Variants in FAM228B observed in about 807,000 individuals in gnomAD.
FAM228B encodes the protein family with sequence similarity 228 member B.
Under a neutral mutation model 42.6 loss-of-function variants are expected in FAM228B, and 38 were observed. That is an observed-to-expected ratio of 0.89 (90% CI 0.69 to 1.17). FAM228B has a LOEUF of 1.17. FAM228B is among the 50% of genes most tolerant of loss of function. FAM228B has a pLI of 0.00. For missense variants in FAM228B, 344 were observed against 367.3 expected (o/e 0.94, Z 0.52); for synonymous variants, 109 against 122.3 (o/e 0.89, Z 0.72).
intron 3 of FAM228B, among the ~76,000 whole-genome samples, chr2:24,111,325 C>T (rs1388357974): frequency 6.6e-6 from 1 of 152,176 alleles, no homozygotes; most frequent in Non-Finnish European, 1.5e-5. Flanking sequence ...CTCCCGAGTG[C>T]TGGGATTATA....
At chr2:24,116,784 G>A (rs911857785) in intron 3 of FAM228B, among the ~76,000 whole-genome samples, 2 of 151,604 alleles carry the variant, frequency 1.3e-5, no homozygotes, top group Admixed American at 1.3e-4. Flanking sequence ...AACCTGGGAG[G>A]CTGAATCTTG....
intron 3 of FAM228B, among the ~76,000 whole-genome samples, chr2:24,103,987 G>A (rs1365563251): frequency 2.6e-4 from 39 of 152,198 alleles, no homozygotes; most frequent in Non-Finnish European, 1.0e-4. Flanking sequence ...ACTAGAGGCA[G>A]CTCATGTGTG....
At chr2:24,121,807 C>A (rs1573754185), upstream of FAM228B, among the ~76,000 whole-genome samples, 2 of 152,118 alleles carry the variant, frequency 1.3e-5, no homozygotes, top group Non-Finnish European at 2.9e-5. Flanking sequence ...GCTTCCTCTC[C>A]CCCACTGTGA....
In FAM228B at chr2:24,169,362, G is replaced by A. The variant is rs568476109; in HGVS notation, c.*21G>A. 6.3e-4 allele frequency: 295 copies of A among 467,614 alleles called. 4 individuals carry two copies. Among genetic ancestry groups the A allele is most frequent in the South Asian group, 4.3e-3 (275 of 64,256 alleles). 29.0% of individuals were successfully genotyped at this position (467,614 alleles called of 1,614,324 possible). Reference sequence around the variant, plus strand: ...CTTTTGTCACCTTCAAAAGGTTTCAGCAACCAAGGAGCACACACCCTGATC... The same window carrying A: ...CTTTTGTCACCTTCAAAAGGTTTCAACAACCAAGGAGCACACACCCTGATC... On this transcript the variant is annotated 3_prime_UTR_variant, in exon 11 of 11. Coordinates refer to ENST00000615575, the MANE Select transcript of FAM228B (RefSeq NM_001145710.2). This position sits in a 1 kb window ranked among gnomAD's most constrained non-coding sequence, Gnocchi z 4.2.
At chr2:24,165,692 A>G (rs1221937741) in intron 9 of FAM228B, among the ~76,000 whole-genome samples, 1 of 152,120 alleles carries the variant, frequency 6.6e-6, no homozygotes, top group Non-Finnish European at 1.5e-5. Flanking sequence ...CTCTCCCAGC[A>G]TGTGCAATAA....
In FAM228B at chr2:24,084,457, T is replaced by C; in HGVS notation, c.-210+3502T>C. 8.3e-7 allele frequency: 1 copy of C among 1,206,726 alleles called. No individual in the cohort carries two copies. Among genetic ancestry groups the C allele is most frequent in the Non-Finnish European group, 1.1e-6 (1 of 916,984 alleles). The allele number at this position is 1,206,726 out of a possible 1,614,324, so 74.8% of individuals were successfully genotyped here. On this transcript the variant is annotated intron_variant, in intron 2 of 10. Transcript: ENST00000613899. The surrounding 1 kb of genome is among the most constrained non-coding windows in gnomAD (Gnocchi z 8.4). ...CTCGCGGAGCAGCCCAGCCTCAGGC[T>C]GGCACCGCAGCGCCCCCTGCCGGCC...
intron 3 of FAM228B, among the ~76,000 whole-genome samples, chr2:24,109,693 C>T (rs1233618587): frequency 6.6e-6 from 1 of 152,190 alleles, no homozygotes; most frequent in Non-Finnish European, 1.5e-5. Context: ...AAATGCTCAA[C>T]ATCACTAACC....
chr2:24,153,297 T>C (rs1667062467), intron 7 of FAM228B, among the ~76,000 whole-genome samples: 1 of 152,186 alleles, frequency 6.6e-6, no homozygotes, highest in South Asian at 2.1e-4. Context: ...CTAGGAATGT[T>C]CTGGGTCACT....
chr2:24,145,635 A>G (rs1451951706), intron 5 of FAM228B, among the ~76,000 whole-genome samples: 2 of 152,198 alleles, frequency 1.3e-5, no homozygotes, highest in Non-Finnish European at 2.9e-5. Context: ...GTCATTTAAA[A>G]TTTGATCTGC....
At chr2:24,166,050 A>ATATAT (rs1553334331) in intron 9 of FAM228B, 2 of 11,668 alleles carry the variant, frequency 1.7e-4, no homozygotes, top group Non-Finnish European at 5.4e-4. Flanking sequence ...CTAAAAAAAA[A>ATATAT]AAAAATATAT....
chr2:24,146,228 C>T (rs1258035197), intron 5 of FAM228B, among the ~76,000 whole-genome samples: 1 of 152,118 alleles, frequency 6.6e-6, no homozygotes, highest in Non-Finnish European at 1.5e-5. Context: ...GTGAATGTTG[C>T]TGTTCATGAA....
In FAM228B at chr2:24,148,902, C is replaced by T. The variant is rs140729488; in HGVS notation, c.686+1816C>T. Among the ~76,000 whole-genome samples the T allele has an allele frequency of 7.0e-3, 1,065 of 152,246 alleles. 8 individuals carry two copies. Among genetic ancestry groups the T allele is most frequent in the African/African-American group, 0.025 (1,027 of 41,522 alleles). On this transcript the variant is annotated intron_variant, in intron 7 of 10. Transcript: ENST00000615575. ...AATACACTTCCCAGCCTCTGGTAACCATCCTTCCGCTCTGCATCTCCATGA... is the reference window on the plus strand; with the variant it reads ...AATACACTTCCCAGCCTCTGGTAACTATCCTTCCGCTCTGCATCTCCATGA...
intron 5 of FAM228B, among the ~76,000 whole-genome samples, chr2:24,145,390 T>C (rs922067488): frequency 6.6e-6 from 1 of 152,140 alleles, no homozygotes; most frequent in Non-Finnish European, 1.5e-5. Flanking sequence ...TGAAGAAATA[T>C]GGAGACTATA....
intron 2 of FAM228B, chr2:24,087,386 T>G (rs1052475433): frequency 6.6e-5 from 10 of 152,228 alleles, no homozygotes; most frequent in African/African-American, 2.4e-4. Context: ...GGCCAATAAG[T>G]ATCTTTTATT....
chr2:24,154,195 T>C (rs1188115221), intron 7 of FAM228B, among the ~76,000 whole-genome samples: 2 of 152,284 alleles, frequency 1.3e-5, no homozygotes, highest in Non-Finnish European at 2.9e-5. Context: ...TTGGTTTTGG[T>C]GATGGTGCTT....
chr2:24,121,300 C>T (rs188094111), upstream of FAM228B: 1 of 1,614,072 alleles, frequency 6.2e-7, no homozygotes, highest in Admixed American at 1.7e-5. Flanking sequence ...CTGGGCGTTA[C>T]CTGGAGAGGT....
At chr2:24,121,404 T>A, upstream of FAM228B, 1 of 1,105,164 alleles carries the variant, frequency 9.0e-7, no homozygotes, top group Non-Finnish European at 1.3e-6. Context: ...CTAAGAATGG[T>A]TTTCATGTTT....
chr2:24,156,938 T>A (rs1667163582), intron 7 of FAM228B, among the ~76,000 whole-genome samples: 1 of 152,196 alleles, frequency 6.6e-6, no homozygotes, highest in Admixed American at 6.5e-5. Context: ...GGACTTAGAT[T>A]GTCTGTTTGT....
chr2:24,141,262 G>C (rs1666738884), intron 5 of FAM228B, among the ~76,000 whole-genome samples: 1 of 151,700 alleles, frequency 6.6e-6, no homozygotes, highest in South Asian at 2.1e-4. Flanking sequence ...ATTTTGTTTT[G>C]AGACGGAGTC....
Sources: allele counts gnomAD v4.1 joint callset (sites outside exome capture counted in the v4.1 genomes callset), GRCh38; gene constraint gnomAD v4.1.1; non-coding constraint Gnocchi (gnomAD v3.1); transcripts MANE v1.5; gene names NCBI Gene and HGNC (gene_info 2026-07-23, HGNC 2026-07-21).